The following PAXIP1 variants were observed in gnomAD, a reference collection of about 807,000 sequenced individuals.
PAXIP1 encodes the protein PAX interacting protein 1, also known as PAX-interacting protein 1.
In PAXIP1, 19 loss-of-function variants were observed where a neutral mutation model predicts 140.6. That is an observed-to-expected ratio of 0.14 (90% CI 0.09 to 0.20). PAXIP1 has a LOEUF of 0.20. PAXIP1 is among the 10% of genes least tolerant of loss of function. The pLI, the probability that PAXIP1 is intolerant of heterozygous loss-of-function variation, is 1.00. For synonymous variants in PAXIP1, 442 were observed against 444.6 expected, an observed-to-expected ratio of 0.99 and a Z score of 0.07; for missense variants, 920 against 1,208.6, an observed-to-expected ratio of 0.76 and a Z score of 3.54.
intron 1 of PAXIP1, among the ~76,000 whole-genome samples, chr7:154,999,087 A>G (rs1015884497): frequency 1.3e-5 from 2 of 152,226 alleles, no homozygotes; most frequent in African/African-American, 4.8e-5. Flanking sequence ...GAGACAGCAC[A>G]ACCACTGCTG....
At chr7:154,990,468 G>A (rs1810280411) in intron 4 of PAXIP1, among the ~76,000 whole-genome samples, 1 of 152,236 alleles carries the variant, frequency 6.6e-6, no homozygotes. Context: ...GGAAGCAGGA[G>A]TCTGTCCTCA....
chr7:154,988,315 G>A (rs1810166102), intron 4 of PAXIP1, among the ~76,000 whole-genome samples: 2 of 152,072 alleles, frequency 1.3e-5, no homozygotes, highest in Admixed American at 1.3e-4. Context: ...CTCTGTCAAG[G>A]CTTCCCTCGC....
At chr7:154,991,871 T>C (rs954046432) in intron 3 of PAXIP1, among the ~76,000 whole-genome samples, 3 of 152,218 alleles carry the variant, frequency 2.0e-5, no homozygotes, top group African/African-American at 4.8e-5. Context: ...AGTATACTGA[T>C]TGAGATAGGT....
At chr7:154,960,386 C>G (rs1808705976) in intron 12 of PAXIP1, among the ~76,000 whole-genome samples, 1 of 152,250 alleles carries the variant, frequency 6.6e-6, no homozygotes, top group East Asian at 1.9e-4. Flanking sequence ...ACAAAGAGGA[C>G]AGACGTCAAT....
rs1220921578 is a variant in PAXIP1 at position 154,961,572 on chromosome 7, T to C, written c.2204A>G (p.Tyr735Cys). The C allele has an allele frequency of 6.2e-7, 1 of 1,607,882 alleles. No homozygotes were observed. Among genetic ancestry groups the C allele is most frequent in the African/African-American group, 1.3e-5 (1 of 74,894 alleles). ...GTTGCTGCGGCATAGATAACCCGTA[T>C]ATTTGGCACCTGCCAAATAAGCCAT... ...KLMAYLAGAK[Y>C]TGYLCRSNTV... is the part of the protein sequence containing the mutation. Residue 735 changes from tyrosine (Y) to cysteine (C), a missense_variant, in exon 11 of 21, where the codon TAT becomes TGT. Coordinates refer to ENST00000404141, the MANE Select transcript of PAXIP1 (RefSeq NM_007349.4).
intron 11 of PAXIP1, 131 bp downstream of exon 11, chr7:154,961,396 C>CT (rs1808748741): frequency 1.4e-6 from 1 of 711,434 alleles, no homozygotes; most frequent in Non-Finnish European, 2.2e-6. Context: ...CATTGTCATA[C>CT]TTTAACAGAC....
At chr7:154,977,586 T>TTCTC (rs1264633505) in intron 5 of PAXIP1, among the ~76,000 whole-genome samples, 1 of 152,216 alleles carries the variant, frequency 6.6e-6, no homozygotes, top group Non-Finnish European at 1.5e-5. Context: ...AGTTTGTTCT[T>TTCTC]TCTCAAACCT....
chr7:154,999,049 C>T (rs768564274), intron 1 of PAXIP1, among the ~76,000 whole-genome samples: 3 of 152,190 alleles, frequency 2.0e-5, no homozygotes, highest in Non-Finnish European at 4.4e-5. Flanking sequence ...ATGGTCTGTC[C>T]TCAAGACAGA....
chr7:154,949,256 C>CT (rs1281954404), intron 16 of PAXIP1: 2 of 152,138 alleles, frequency 1.3e-5, no homozygotes, highest in Non-Finnish European at 2.9e-5. Context: ...TTCCTCTTCT[C>CT]TTTTTTAAGC....
chr7:154,983,130 A>G, intron 5 of PAXIP1, 89 bp downstream of exon 5: 2 of 638,804 alleles, frequency 3.1e-6, no homozygotes, highest in Non-Finnish European at 5.4e-6. Context: ...AAATATAATA[A>G]CTAATTTAAA....
In PAXIP1 at chr7:154,975,767, C is replaced by T. The variant is rs61752013; in HGVS notation, c.1003G>A (p.Val335Ile). 7,587 of 1,613,812 alleles carry T rather than the reference C, an allele frequency of 4.7e-3. 27 individuals carry two copies. The highest frequency in any genetic ancestry group is 6.0e-3 in the Non-Finnish European group (7,109 of 1,179,706). The change falls in exon 6 of 21, where the codon GTA (valine) becomes ATA (isoleucine). Residue 335 changes from valine (V) to isoleucine (I), a missense_variant. Val to Ile is a conservative substitution (Grantham distance 29). Coordinates refer to ENST00000404141, the MANE Select transcript of PAXIP1 (RefSeq NM_007349.4). ...SEMIATWSPA[V>I]RTLRNITNNA... The stretch of plus-strand genomic sequence containing the variant: ...TTAGTAATATTCCTCAGTGTCCGTA[C>T]AGCTGGACTCCAGGTAGCTATCATT...
chr7:154,975,626 C>T, intron 6 of PAXIP1, 70 bp downstream of exon 6: 1 of 1,094,910 alleles, frequency 9.1e-7, no homozygotes, highest in Non-Finnish European at 1.3e-6. Context: ...CAATAAACTA[C>T]ATTGAAATAG....
intron 1 of PAXIP1, 41 bp downstream of exon 1, chr7:155,002,808 G>A (rs764095092): frequency 8.4e-7 from 1 of 1,189,134 alleles, no homozygotes; most frequent in Non-Finnish European, 1.1e-6. Flanking sequence ...GGACGGGGAC[G>A]CGGACGGGGG....
At position 155,002,959 on chromosome 7, in the gene PAXIP1, G is replaced by A. The variant is rs377264093; in HGVS notation, c.-30C>T. On this transcript the variant is annotated 5_prime_UTR_variant, in exon 1 of 21. Coordinates refer to ENST00000404141, the MANE Select transcript of PAXIP1 (RefSeq NM_007349.4). ...GCGGCGGCCCGGGAGGCTCCGCGGC[G>A]GCGCCCGGCCCCGCCCACCCCCCGC... 8.9e-7 allele frequency: 1 copy of A among 1,122,800 alleles called. No homozygotes were observed. 69.6% of individuals were successfully genotyped at this position (1,122,800 alleles called of 1,614,324 possible). A position where few individuals can be genotyped will look rare whatever the true frequency, so the allele number is the denominator to read the frequency against.
intron 4 of PAXIP1, among the ~76,000 whole-genome samples, chr7:154,987,313 T>G (rs140307671): frequency 6.6e-6 from 1 of 152,200 alleles, no homozygotes. Flanking sequence ...AACTATCTTC[T>G]ACCAATTTAT....
At chr7:154,983,166 A>T in intron 5 of PAXIP1, 53 bp downstream of exon 5, 1 of 836,874 alleles carries the variant, frequency 1.2e-6, no homozygotes, top group Non-Finnish European at 1.9e-6. Flanking sequence ...ACATGTGATT[A>T]CTAGAAATTC....
intron 10 of PAXIP1, 22 bp downstream of exon 10, chr7:154,962,299 G>A (rs903037434): frequency 1.2e-6 from 2 of 1,608,988 alleles, no homozygotes; most frequent in Admixed American, 3.4e-5. Context: ...TTAACAAATG[G>A]AACGCGAGGA....
intron 2 of PAXIP1, among the ~76,000 whole-genome samples, chr7:154,994,138 C>G (rs1323970160): frequency 6.6e-6 from 1 of 152,134 alleles, no homozygotes; most frequent in African/African-American, 2.4e-5. Context: ...ACGCTCCCTT[C>G]TTGAATCCCA....
rs1369458844 is a variant in PAXIP1 at position 154,944,133 on chromosome 7, G to A, written c.*16C>T. 5.0e-6 allele frequency: 8 copies of A among 1,612,228 alleles called. No homozygotes were observed. Among genetic ancestry groups the A allele is most frequent in the South Asian group, 1.1e-5 (1 of 90,570 alleles). Reference sequence around the variant, plus strand: ...CCGCACCGCAGGAGTCGACATGCACGGCAGCCTAGACGCCATCAGTTAAAC... The same window carrying A: ...CCGCACCGCAGGAGTCGACATGCACAGCAGCCTAGACGCCATCAGTTAAAC... On this transcript the variant is annotated 3_prime_UTR_variant, in exon 21 of 21. Coordinates refer to ENST00000404141, the MANE Select transcript of PAXIP1 (RefSeq NM_007349.4).
Sources: gnomAD v4.1 joint callset for allele counts (sites outside exome capture counted in the v4.1 genomes callset) on GRCh38, gnomAD v4.1.1 for gene constraint, MANE v1.5 for transcripts, NCBI Gene and HGNC (gene_info 2026-07-23, HGNC 2026-07-21) for gene names.